The following SQOR variants were observed in gnomAD, a reference collection of about 807,000 sequenced individuals.
The protein encoded by SQOR is sulfide:quinone oxidoreductase, mitochondrial.
Under a neutral mutation model 48.6 loss-of-function variants are expected in SQOR, and 39 were observed. The observed-to-expected ratio is 0.80, with a 90% CI of 0.62 to 1.05. SQOR has a LOEUF of 1.05. Among genes scored for constraint, SQOR ranks in the 50% least tolerant of loss-of-function variants. The pLI, the probability that SQOR is intolerant of heterozygous loss-of-function variation, is 0.00. For missense variants in SQOR, 561 were observed against 559.9 expected (o/e 1.00, Z -0.02); for synonymous variants, 220 against 206.2 (o/e 1.07, Z -0.57).
At position 45,667,941 on chromosome 15, in the gene SQOR, C is replaced by CTTTTTTTTT. The variant is rs1204451548; in HGVS notation, c.406-1974_406-1966dup. 1.6e-3 allele frequency among the ~76,000 whole-genome samples: 169 copies of CTTTTTTTTT among 103,248 alleles called. 1 individual carries two copies. The highest frequency in any genetic ancestry group is 2.3e-3 in the Non-Finnish European group (123 of 52,930). 67.7% of individuals were successfully genotyped at this position (103,248 alleles called of 152,430 possible). On this transcript the variant is annotated intron_variant, in intron 3 of 9. Coordinates refer to ENST00000260324, the MANE Select transcript of SQOR (RefSeq NM_021199.4). ...TCTTTCTTTATTTCTTTCTTTCTTTCTTTTTTTTTTTTTTTTTTTTTGAGA... is the reference window on the plus strand; with the variant it reads ...TCTTTCTTTATTTCTTTCTTTCTTTCTTTTTTTTTTTTTTTTTTTTTTTTTTTTTTGAGA...
rs1343438513 is a variant in SQOR, at chr15:45,659,084, G to A, written c.161G>A (p.Gly54Asp). The change falls in exon 2 of 10, where the codon GGC (glycine) becomes GAC (aspartate). Residue 54 changes from glycine to aspartate, a missense_variant. Coordinates refer to ENST00000260324, the MANE Select transcript of SQOR (RefSeq NM_021199.4). ...GTGCTGGTGCTGGGTGGGGGCAGTGGCGGAATCACCATGGCTGCCCGCATG... is the reference window on the plus strand; with the variant it reads ...GTGCTGGTGCTGGGTGGGGGCAGTGACGGAATCACCATGGCTGCCCGCATG... ...YEVLVLGGGS[G>D]GITMAARMKR... The A allele has an allele frequency of 3.8e-6, 6 of 1,592,668 alleles. No homozygotes were observed. Among genetic ancestry groups the A allele is most frequent in the East Asian group, 2.3e-5 (1 of 44,152 alleles).
chr15:45,662,335 C>G (rs1258941963), intron 3 of SQOR, among the ~76,000 whole-genome samples: 1 of 152,200 alleles, frequency 6.6e-6, no homozygotes, highest in African/African-American at 2.4e-5. Context: ...TAATAAACAA[C>G]TAAGATAAGT....
At chr15:45,687,230 G>C (rs1890241288) in intron 7 of SQOR, among the ~76,000 whole-genome samples, 1 of 152,168 alleles carries the variant, frequency 6.6e-6, no homozygotes, top group African/African-American at 2.4e-5. Flanking sequence ...TCCTGCCTCA[G>C]CCTCCTGAGT....
At chr15:45,679,097 T>C (rs9672171) in intron 6 of SQOR, among the ~76,000 whole-genome samples, 1 of 152,188 alleles carries the variant, frequency 6.6e-6, no homozygotes, top group Admixed American at 6.5e-5. Context: ...GGTAGGGGTG[T>C]GGATAAATGA....
chr15:45,665,347 C>T (rs888857380), intron 3 of SQOR, among the ~76,000 whole-genome samples: 1 of 152,206 alleles, frequency 6.6e-6, no homozygotes, highest in African/African-American at 2.4e-5. Flanking sequence ...CATGACATCT[C>T]ATGTGAGAAA....
chr15:45,678,961 C>T (rs966367124), intron 6 of SQOR, among the ~76,000 whole-genome samples: 1 of 152,192 alleles, frequency 6.6e-6, no homozygotes, highest in Non-Finnish European at 1.5e-5. Context: ...TGGGCTTTCA[C>T]TAAAATGAGC....
chr15:45,639,568 G>T (rs989157790), intron 1 of SQOR, among the ~76,000 whole-genome samples: 2 of 152,234 alleles, frequency 1.3e-5, no homozygotes, highest in Non-Finnish European at 2.9e-5. Flanking sequence ...TTCTGGGAGG[G>T]AGGGCTGCTT....
intron 2 of SQOR, 82 bp downstream of exon 2, chr15:45,659,239 G>A: frequency 1.7e-6 from 2 of 1,201,484 alleles, no homozygotes; most frequent in African/African-American, 1.6e-5. Context: ...TTCTGGGGTT[G>A]GATATGACTA....
chr15:45,667,908 A>G (rs571679704), intron 3 of SQOR, among the ~76,000 whole-genome samples: 35 of 150,294 alleles, frequency 2.3e-4, no homozygotes, highest in South Asian at 6.3e-4. Flanking sequence ...TGGAATTTCA[A>G]TACATCATCT....
chr15:45,667,946 T>TTC (rs1889868388), intron 3 of SQOR, among the ~76,000 whole-genome samples: 5 of 135,722 alleles, frequency 3.7e-5, no homozygotes, highest in South Asian at 2.5e-4. Context: ...TCTTTCTTTT[T>TTC]TTTTTTTTTT....
intron 4 of SQOR, 110 bp downstream of exon 4, chr15:45,670,091 A>T: frequency 9.8e-7 from 1 of 1,015,350 alleles, no homozygotes; most frequent in Non-Finnish European, 1.5e-6. Flanking sequence ...GTTCTAAGAA[A>T]ATCTCTTCTG....
chr15:45,679,224 T>A (rs1384919855), intron 6 of SQOR, among the ~76,000 whole-genome samples: 7 of 152,196 alleles, frequency 4.6e-5, no homozygotes, highest in Non-Finnish European at 8.8e-5. Flanking sequence ...TTTCAAAAAA[T>A]CCACCAGAAG....
intron 5 of SQOR, 31 bp downstream of exon 5, chr15:45,673,832 C>T (rs1312873929): frequency 1.2e-6 from 2 of 1,603,626 alleles, no homozygotes; most frequent in African/African-American, 1.3e-5. Context: ...CAGAGATGAG[C>T]AGGGCGGACA....
intron 1 of SQOR, among the ~76,000 whole-genome samples, chr15:45,658,393 A>G (rs533757435): frequency 3.9e-5 from 6 of 152,210 alleles, no homozygotes; most frequent in Non-Finnish European, 5.9e-5. Context: ...GAGTTGCAGA[A>G]GGTGGGTTTC....
At chr15:45,662,536 C>G (rs548773241) in intron 3 of SQOR, among the ~76,000 whole-genome samples, 1 of 152,290 alleles carries the variant, frequency 6.6e-6, no homozygotes, top group South Asian at 2.1e-4. Context: ...TGGAAAATAT[C>G]CATCCAGCCA....
intron 6 of SQOR, among the ~76,000 whole-genome samples, chr15:45,680,362 G>A (rs1297309544): frequency 6.6e-6 from 1 of 151,880 alleles, no homozygotes; most frequent in African/African-American, 2.4e-5. Flanking sequence ...CCAAAGTGTT[G>A]GGATTACAGG....
chr15:45,637,701 C>T (rs1372326406), intron 1 of SQOR, among the ~76,000 whole-genome samples: 1 of 152,138 alleles, frequency 6.6e-6, no homozygotes, highest in South Asian at 2.1e-4. Flanking sequence ...GAAAATGAAA[C>T]TGAATGTTGA....
chr15:45,644,041 T>C (rs1482595410), intron 1 of SQOR, among the ~76,000 whole-genome samples: 1 of 152,192 alleles, frequency 6.6e-6, no homozygotes, highest in East Asian at 1.9e-4. Flanking sequence ...TCTTCGGTAC[T>C]ATGTAATTAA....
chr15:45,690,783 T>C (rs1377281432), intron 9 of SQOR, among the ~76,000 whole-genome samples, 190 bp from the exon 10 acceptor site: 4 of 152,212 alleles, frequency 2.6e-5, no homozygotes, highest in African/African-American at 9.6e-5. Flanking sequence ...CAAGTCTTTG[T>C]CAAAGCTTAG....
Sources: gnomAD v4.1 joint callset for allele counts (sites outside exome capture counted in the v4.1 genomes callset) on GRCh38, gnomAD v4.1.1 for gene constraint, MANE v1.5 for transcripts, NCBI Gene and HGNC (gene_info 2026-07-23, HGNC 2026-07-21) for gene names.